Variants in ERICH6 observed in about 807,000 individuals in gnomAD.
ERICH6 encodes glutamate rich 6.
A neutral mutation model predicts 71.0 loss-of-function variants in ERICH6; 71 were observed. The observed-to-expected ratio is 1.00, with a 90% CI of 0.83 to 1.22. ERICH6 has a LOEUF of 1.22. Ranked by LOEUF, ERICH6 falls within the 50% of genes most tolerant of loss-of-function variation. The probability of loss-of-function intolerance (pLI) is 0.00; values close to 1 mark genes in which losing one functional copy is unlikely to be tolerated. For synonymous variants in ERICH6, 262 were observed against 278.4 expected (o/e 0.94, Z 0.59); for missense variants, 808 against 797.2 (o/e 1.01, Z -0.16).
At chr3:150,677,058 C>T (rs767517355) in intron 10 of ERICH6, among the ~76,000 whole-genome samples, 6 of 152,126 alleles carry the variant, frequency 3.9e-5, no homozygotes, top group Non-Finnish European at 8.8e-5. Flanking sequence ...ACATTCCACC[C>T]ATCTTGGCCT....
At chr3:150,697,769 T>C (rs1437815562) in intron 3 of ERICH6, among the ~76,000 whole-genome samples, 4 of 152,192 alleles carry the variant, frequency 2.6e-5, no homozygotes, top group Non-Finnish European at 5.9e-5. Flanking sequence ...CCAGCAGTCA[T>C]TAAAAATACC....
intron 9 of ERICH6, among the ~76,000 whole-genome samples, chr3:150,679,035 C>CAAAAAAAAAAAAAA (rs1160094551): frequency 4.6e-5 from 3 of 65,224 alleles, no homozygotes; most frequent in African/African-American, 1.8e-4. Context: ...GACTCTGTCT[C>CAAAAAAAAAAAAAA]AAAAAAAAAA....
At chr3:150,685,943 T>A in intron 5 of ERICH6, 23 bp downstream of exon 5, 6 of 1,600,016 alleles carry the variant, frequency 3.7e-6, no homozygotes, top group Non-Finnish European at 5.1e-6. Flanking sequence ...AGTGTACTAG[T>A]TAGTATGATA....
At position 150,703,854 on chromosome 3, in the gene ERICH6, C is replaced by T; in HGVS notation, c.45G>A (p.Lys15=). The part of the protein sequence containing the change: ...RSPSGFGDPG[K]KDQKESEEEL... ...CCTCCTCTGACTCCTTCTGGTCCTTCTTCCCCGGGTCTCCGAAGCCGCTAG... is the reference window on the plus strand; with the variant it reads ...CCTCCTCTGACTCCTTCTGGTCCTTTTTCCCCGGGTCTCCGAAGCCGCTAG... The change falls in exon 1 of 14, where the codon AAG becomes AAA. Residue 15 remains lysine, a synonymous_variant. Transcript: ENST00000295910. 2 of 1,614,080 alleles carry T rather than the reference C, an allele frequency of 1.2e-6. No individual in the cohort carries two copies. The highest frequency in any genetic ancestry group is 1.1e-5 in the South Asian group (1 of 91,076).
chr3:150,686,211 C>T (rs2108065744), intron 4 of ERICH6, 87 bp downstream of exon 4: 1 of 1,474,280 alleles, frequency 6.8e-7, no homozygotes, highest in East Asian at 2.3e-5. Context: ...TTTTTCAAAG[C>T]AGATGGGCTC....
At chr3:150,675,953 CT>C (rs1711636992) in intron 10 of ERICH6, among the ~76,000 whole-genome samples, 1 of 135,666 alleles carries the variant, frequency 7.4e-6, no homozygotes, top group African/African-American at 2.7e-5. Context: ...CACTGGGATT[CT>C]TAAACCTGTT....
intron 6 of ERICH6, 108 bp downstream of exon 6, chr3:150,685,632 CTT>C (rs138634429): frequency 5.0e-3 from 3,746 of 751,760 alleles, no homozygotes; most frequent in South Asian, 7.5e-3. Flanking sequence ...AGCTCTTTGG[CTT>C]TTTTTTTTTT....
chr3:150,695,961 A>G (rs1288868929), intron 3 of ERICH6, among the ~76,000 whole-genome samples: 2 of 152,000 alleles, frequency 1.3e-5, no homozygotes, highest in Non-Finnish European at 2.9e-5. Context: ...TACTTTTGGA[A>G]GAACAAGTGC....
At chr3:150,680,699 A>C in intron 8 of ERICH6, 74 bp downstream of exon 8, 1 of 1,556,940 alleles carries the variant, frequency 6.4e-7, no homozygotes, top group Non-Finnish European at 8.7e-7. Context: ...TCTTGAAAAA[A>C]TGAGGTTCAT....
intron 13 of ERICH6, 47 bp downstream of exon 13, chr3:150,666,740 T>C: frequency 6.5e-7 from 1 of 1,527,814 alleles, no homozygotes; most frequent in Non-Finnish European, 9.0e-7. Flanking sequence ...TAGTTTACTC[T>C]TATTATTATT....
chr3:150,662,507 C>T (rs935434253), intron 13 of ERICH6, among the ~76,000 whole-genome samples: 2 of 152,032 alleles, frequency 1.3e-5, no homozygotes, highest in African/African-American at 4.8e-5. Flanking sequence ...ATACATGGAA[C>T]ACTTATAAAA....
At position 150,703,216 on chromosome 3, in the gene ERICH6, C is replaced by T. The variant is rs528527863; in HGVS notation, c.403+280G>A. Among the ~76,000 whole-genome samples, 25 of 151,134 alleles carry T rather than the reference C, an allele frequency of 1.7e-4. No individual in the cohort carries two copies. In the East Asian group the frequency reaches 3.3e-3, roughly 20 times the overall value. Reference sequence around the variant, plus strand: ...CTCCAGCCTGGGCGACAGAGCGAGACTCTTGTCTAAAAAAAAAAAAGCACT... The same window carrying T: ...CTCCAGCCTGGGCGACAGAGCGAGATTCTTGTCTAAAAAAAAAAAAGCACT... On this transcript the variant is annotated intron_variant, in intron 1 of 13. Transcript: ENST00000295910.
At chr3:150,681,807 CTTTTTT>C (rs34909258) in intron 7 of ERICH6, among the ~76,000 whole-genome samples, 24 of 70,282 alleles carry the variant, frequency 3.4e-4, no homozygotes, top group Admixed American at 6.9e-4. Flanking sequence ...ACACATAACT[CTTTTTT>C]TTTTTTTTTT....
At chr3:150,692,163 G>A (rs958066157) in intron 3 of ERICH6, among the ~76,000 whole-genome samples, 1 of 151,932 alleles carries the variant, frequency 6.6e-6, no homozygotes, top group Non-Finnish European at 1.5e-5. Flanking sequence ...GTTATAAAAA[G>A]CTTATGGAAG....
chr3:150,682,709 A>G (rs767576206), intron 6 of ERICH6, among the ~76,000 whole-genome samples: 3 of 152,210 alleles, frequency 2.0e-5, no homozygotes, highest in African/African-American at 2.4e-5. Context: ...TATACAAATG[A>G]TCTAAGTATT....
At chr3:150,694,868 T>C (rs1712595141) in intron 3 of ERICH6, among the ~76,000 whole-genome samples, 1 of 152,224 alleles carries the variant, frequency 6.6e-6, no homozygotes, top group African/African-American at 2.4e-5. Flanking sequence ...CAGAAATCTA[T>C]GTGCACAGTT....
chr3:150,660,203 A>ACT, intron 13 of ERICH6, 48 bp from the exon 14 acceptor site: 1 of 1,588,542 alleles, frequency 6.3e-7, no homozygotes, highest in Non-Finnish European at 8.6e-7. Flanking sequence ...CAGAAGTGGA[A>ACT]CTGGGGAGGT....
At chr3:150,684,596 C>T (rs978999157) in intron 6 of ERICH6, among the ~76,000 whole-genome samples, 11 of 152,172 alleles carry the variant, frequency 7.2e-5, no homozygotes, top group Admixed American at 7.2e-4. Flanking sequence ...GGCATCCAGC[C>T]CAGGTTTGGA....
chr3:150,664,152 A>G (rs1303543986), intron 13 of ERICH6, among the ~76,000 whole-genome samples: 1 of 152,164 alleles, frequency 6.6e-6, no homozygotes, highest in Admixed American at 6.5e-5. Context: ...AAATGATTCC[A>G]GGAAGAAGAG....
Sources: allele counts gnomAD v4.1 joint callset (sites outside exome capture counted in the v4.1 genomes callset), GRCh38; gene constraint gnomAD v4.1.1; transcripts MANE v1.5; gene names NCBI Gene and HGNC (gene_info 2026-07-23, HGNC 2026-07-21).